SESN3: variants seen among roughly 807,000 people sequenced by gnomAD.
The protein encoded by SESN3 is sestrin 3.
In SESN3, 21 loss-of-function variants were observed where a neutral mutation model predicts 55.3. The observed-to-expected ratio is 0.38, with a 90% confidence interval of 0.27 to 0.55. The LOEUF (loss-of-function observed/expected upper bound fraction) is 0.55, where lower values mean the gene tolerates loss of function less well. Ranked by LOEUF, SESN3 falls within the 20% of genes least tolerant of loss-of-function variation. The pLI, the probability that SESN3 is intolerant of heterozygous loss-of-function variation, is 0.76. For missense variants in SESN3, 408 were observed against 604.3 expected (o/e 0.68, Z 3.41); for synonymous variants, 181 against 203.1 (o/e 0.89, Z 0.93).
Position 95,230,799 on chromosome 11 carries a change from C to T in SESN3, c.62G>A (p.Arg21Gln), listed in dbSNP as rs749690047. The T allele has an allele frequency of 2.5e-6, 4 of 1,601,098 alleles. No individual in the cohort carries two copies. The highest frequency in any genetic ancestry group is 3.4e-6 in the Non-Finnish European group (4 of 1,173,870). Residue 21 changes from arginine (R) to glutamine (Q), a missense_variant, in exon 1 of 10, where the codon CGG (arginine) becomes CAG (glutamine). Physicochemically the swap from Arg to Gln is conservative, Grantham distance 43. Transcript: ENST00000536441. This position sits in a 1 kb window ranked among gnomAD's most constrained non-coding sequence, Gnocchi z 4.6. ...AANYLLCTNC[R>Q]KVLRKDKRIR... Reference sequence around the variant, plus strand: ...AACCCGTACCTTCCGCAGCACTTTCCGGCAGTTGGTACAGAGCAGGTAGTT... The same window carrying T: ...AACCCGTACCTTCCGCAGCACTTTCTGGCAGTTGGTACAGAGCAGGTAGTT...
intron 1 of SESN3, among the ~76,000 whole-genome samples, chr11:95,227,292 G>A (rs1164617350): frequency 1.3e-5 from 2 of 150,860 alleles, no homozygotes; most frequent in East Asian, 2.0e-4. Flanking sequence ...CACAACCTCC[G>A]CCTCCCAGGT....
intron 3 of SESN3, among the ~76,000 whole-genome samples, chr11:95,190,238 T>C (rs572480966): frequency 2.4e-4 from 36 of 152,000 alleles, no homozygotes; most frequent in Non-Finnish European, 5.0e-4. Flanking sequence ...TAGCTATGAA[T>C]AGGAAATACA....
At chr11:95,196,224 A>G (rs1192692346) in intron 1 of SESN3, among the ~76,000 whole-genome samples, 1 of 152,138 alleles carries the variant, frequency 6.6e-6, no homozygotes, top group Non-Finnish European at 1.5e-5. Flanking sequence ...GCTTCTGCAT[A>G]AGGAGAATCT....
chr11:95,224,411 C>A, intron 1 of SESN3: 1 of 418,396 alleles, frequency 2.4e-6, no homozygotes, highest in South Asian at 1.8e-5. Context: ...TGACAACAAT[C>A]ATTGTCAGTG....
At position 95,166,140 on chromosome 11, in the gene SESN3, GCA is replaced by G. The variant is rs1859742285; in HGVS notation, c.*7113_*7114del. 1 of 152,042 alleles carries G rather than the reference GCA, an allele frequency of 6.6e-6. No individual in the cohort carries two copies. Among genetic ancestry groups the G allele is most frequent in the Admixed American group, 6.5e-5 (1 of 15,280 alleles). 9.4% of individuals were successfully genotyped at this position (152,042 alleles called of 1,614,324 possible). ...CTGAAACTTGCGTGAATCCTAAATTGCATCAATTATCTATTTGATAAAAGCTT... is the reference window on the plus strand; with the variant it reads ...CTGAAACTTGCGTGAATCCTAAATTGTCAATTATCTATTTGATAAAAGCTT... On this transcript the variant is annotated 3_prime_UTR_variant, in exon 10 of 10. Transcript: ENST00000536441.
rs144933515 is a variant in SESN3, at chr11:95,174,434, G to T, written c.1392+1064C>A. Among the ~76,000 whole-genome samples, 21 of 152,178 alleles carry T rather than the reference G, an allele frequency of 1.4e-4. 1 individual carries two copies. Among genetic ancestry groups the T allele is most frequent in the Non-Finnish European group, 2.6e-4 (18 of 67,990 alleles). On this transcript the variant is annotated intron_variant, in intron 9 of 9. Transcript: ENST00000536441. ...ATGTAACAGTATATTTGGCTCAAAG[G>T]TCCTGAATTATACTGTCAAAACACT...
chr11:95,175,210 A>C (rs1332814072), intron 9 of SESN3, among the ~76,000 whole-genome samples: 2 of 152,124 alleles, frequency 1.3e-5, no homozygotes, highest in African/African-American at 4.8e-5. Flanking sequence ...CTAAAAATAC[A>C]AAAATTAGCC....
chr11:95,176,060 G>A (rs1803869123), intron 8 of SESN3, among the ~76,000 whole-genome samples: 1 of 152,182 alleles, frequency 6.6e-6, no homozygotes, highest in South Asian at 2.1e-4. Context: ...AGAAGCAAGT[G>A]TAAAGGACTT....
At chr11:95,173,615 AT>A (rs1859896757) in intron 9 of SESN3, among the ~76,000 whole-genome samples, 1 of 152,034 alleles carries the variant, frequency 6.6e-6, no homozygotes, top group Non-Finnish European at 1.5e-5. Context: ...AATAAAACTA[AT>A]TTTTATAAAT....
In SESN3 at chr11:95,184,592, A is replaced by T; in HGVS notation, c.765T>A (p.Ile255=). 6.2e-7 allele frequency: 1 copy of T among 1,611,502 alleles called. No individual in the cohort carries two copies. The highest frequency in any genetic ancestry group is 2.2e-5 in the East Asian group (1 of 44,818). ...NASLSGSNFG[I]VDSLSELEAL... is the part of the protein sequence containing the mutation. ...CCTCTAGCTCACTTAGAGAATCCAC[A>T]ATCTGGAAACAGATAAGATAATGTT... The change falls in exon 6 of 10, where the codon ATT becomes ATA. Residue 255 remains isoleucine (I), a splice_region_variant and synonymous_variant. Coordinates refer to ENST00000536441, the MANE Select transcript of SESN3 (RefSeq NM_144665.4).
chr11:95,208,087 T>C (rs972716403), intron 1 of SESN3, among the ~76,000 whole-genome samples: 5 of 151,472 alleles, frequency 3.3e-5, no homozygotes, highest in African/African-American at 1.2e-4. Context: ...TTTTCTTCTT[T>C]CCTTAGTTTT....
At chr11:95,216,097 C>CAAAAAA (rs1216457587) in intron 1 of SESN3, among the ~76,000 whole-genome samples, 3 of 51,414 alleles carry the variant, frequency 5.8e-5, no homozygotes, top group Non-Finnish European at 8.4e-5. Flanking sequence ...GACTCCATCT[C>CAAAAAA]AAAAAAAAAA....
At position 95,230,507 on chromosome 11, in the gene SESN3, A is replaced by G; in HGVS notation, c.78+276T>C. 1 of 403,522 alleles carries G rather than the reference A, an allele frequency of 2.5e-6. No homozygotes were observed. 25.0% of individuals were successfully genotyped at this position (403,522 alleles called of 1,614,324 possible). On this transcript the variant is annotated intron_variant, in intron 1 of 9. Coordinates refer to ENST00000536441, the MANE Select transcript of SESN3 (RefSeq NM_144665.4). The surrounding 1 kb of genome is among the most constrained non-coding windows in gnomAD (Gnocchi z 4.6). ...CCCGGGGTAGCAAGGTAGGGAAATG[A>G]GCCGTAAAGGAGAGCAAAGGCACCA...
intron 1 of SESN3, among the ~76,000 whole-genome samples, chr11:95,221,441 C>T (rs970860958): frequency 3.9e-5 from 6 of 152,156 alleles, no homozygotes; most frequent in African/African-American, 1.4e-4. Context: ...AATTTCATTT[C>T]TTCAACTGAC....
intron 6 of SESN3, chr11:95,182,146 C>A: frequency 3.1e-6 from 1 of 319,834 alleles, no homozygotes; most frequent in East Asian, 1.2e-4. Context: ...GACTGAAATC[C>A]AAAGTATATT....
chr11:95,197,770 G>A (rs921776042), intron 1 of SESN3, among the ~76,000 whole-genome samples: 2 of 152,036 alleles, frequency 1.3e-5, no homozygotes, highest in Non-Finnish European at 2.9e-5. Context: ...ATATTGTAGG[G>A]AAGACGATGG....
At chr11:95,177,236 G>GAT (rs1455998021) in intron 8 of SESN3, among the ~76,000 whole-genome samples, 4 of 152,092 alleles carry the variant, frequency 2.6e-5, no homozygotes, top group Non-Finnish European at 4.4e-5. Flanking sequence ...TATATTGGCT[G>GAT]ATATATTTAA....
intron 1 of SESN3, among the ~76,000 whole-genome samples, chr11:95,202,191 TTCTAACACAATA>T (rs1248024211): frequency 2.6e-5 from 4 of 152,082 alleles, no homozygotes; most frequent in African/African-American, 4.8e-5. Context: ...TAGAATCAAT[TTCTAACACAATA>T]TCTGTAGCAT....
Position 95,168,006 on chromosome 11 carries a change from C to T in SESN3, c.*5249G>A, listed in dbSNP as rs1859782503. 6.6e-6 allele frequency: 1 copy of T among 152,144 alleles called. No individual in the cohort carries two copies. Among genetic ancestry groups the T allele is most frequent in the African/African-American group, 2.4e-5 (1 of 41,438 alleles). 9.4% of individuals were successfully genotyped at this position (152,144 alleles called of 1,614,324 possible). On this transcript the variant is annotated 3_prime_UTR_variant, in exon 10 of 10. Transcript: ENST00000536441. ...ACAGGATAGGAACAGAGGTTAGAGG[C>T]TTAGTCTAACCCAGGAAAGCCTGGT...
Sources: gnomAD v4.1 joint callset for allele counts (sites outside exome capture counted in the v4.1 genomes callset) on GRCh38, gnomAD v4.1.1 for gene constraint, Gnocchi (gnomAD v3.1) non-coding constraint, MANE v1.5 for transcripts, NCBI Gene and HGNC (gene_info 2026-07-23, HGNC 2026-07-21) for gene names.